Variants in FGF9 observed in about 807,000 individuals in gnomAD.
FGF9 encodes the protein fibroblast growth factor 9, also known as fibroblast growth factor 9 (glia-activating factor).
FGF9 carries 3 observed loss-of-function variants against 19.9 expected under a neutral mutation model. The ratio of observed to expected loss-of-function variants is 0.15; its 90% CI spans 0.07 to 0.39. FGF9 has a LOEUF of 0.39. Ranked by LOEUF, FGF9 falls within the 10% of genes least tolerant of loss-of-function variation. FGF9 has a pLI of 1.00. For synonymous variants in FGF9, 107 were observed against 106.9 expected (o/e 1.00, Z -0.01); for missense variants, 175 against 256.8 (o/e 0.68, Z 2.18).
rs1459921289 is a variant in FGF9, at chr13:21,671,862, T to C, written c.-51T>C. The C allele has an allele frequency of 6.2e-7, 1 of 1,610,530 alleles. No homozygotes were observed. The highest frequency in any genetic ancestry group is 1.7e-5 in the Admixed American group (1 of 60,012). Reference sequence around the variant, plus strand: ...TATACCTCGCCTAATATCTCCTGGGTTGACACCATCATTATTGTTTATTCT... The same window carrying C: ...TATACCTCGCCTAATATCTCCTGGGCTGACACCATCATTATTGTTTATTCT... On this transcript the variant is annotated 5_prime_UTR_variant, in exon 1 of 3. Coordinates refer to ENST00000382353, the MANE Select transcript of FGF9 (RefSeq NM_002010.3).
intron 2 of FGF9, among the ~76,000 whole-genome samples, chr13:21,694,228 C>A (rs1375809512): frequency 1.3e-5 from 2 of 152,152 alleles, no homozygotes; most frequent in Non-Finnish European, 2.9e-5. Context: ...ACACTCTGTG[C>A]ATCTTTTAGT....
intron 1 of FGF9, among the ~76,000 whole-genome samples, chr13:21,679,994 A>G (rs191468576): frequency 4.2e-4 from 64 of 151,974 alleles, no homozygotes; most frequent in South Asian, 1.0e-3. Context: ...AGTGTCCTAA[A>G]TATACTGTGG....
At chr13:21,689,141 G>GCC (rs916407150) in intron 2 of FGF9, among the ~76,000 whole-genome samples, 9 of 152,084 alleles carry the variant, frequency 5.9e-5, no homozygotes, top group Non-Finnish European at 1.0e-4. Context: ...TGAGCCCAAC[G>GCC]CCCCTCTTTC....
chr13:21,672,263 C>T lies in FGF9; in HGVS notation c.277+74C>T. 6.5e-7 allele frequency: 1 copy of T among 1,545,984 alleles called. No homozygotes were observed. The highest frequency in any genetic ancestry group is 1.4e-5 in the African/African-American group (1 of 73,614). ...TTATAACTACCAAGAAGGTGGTGGCCGGGTGGGGGACGTGGGAAGGGTTCT... is the reference window on the plus strand; with the variant it reads ...TTATAACTACCAAGAAGGTGGTGGCTGGGTGGGGGACGTGGGAAGGGTTCT... On this transcript the variant is annotated intron_variant, in intron 1 of 2. Coordinates refer to ENST00000382353, the MANE Select transcript of FGF9 (RefSeq NM_002010.3). The surrounding 1 kb of genome is among the most constrained non-coding windows in gnomAD (Gnocchi z 4.2).
intron 2 of FGF9, among the ~76,000 whole-genome samples, chr13:21,687,710 T>C (rs1241276384): frequency 6.6e-6 from 1 of 152,218 alleles, no homozygotes; most frequent in Non-Finnish European, 1.5e-5. Flanking sequence ...TCTTCACTTA[T>C]CTCAGACACA....
At chr13:21,692,816 G>GA (rs1460809600) in intron 2 of FGF9, among the ~76,000 whole-genome samples, 1 of 152,128 alleles carries the variant, frequency 6.6e-6, no homozygotes, top group Non-Finnish European at 1.5e-5. Context: ...ATTTCCTCCA[G>GA]ATCCCAACAT....
At chr13:21,690,704 T>G (rs968371376) in intron 2 of FGF9, among the ~76,000 whole-genome samples, 1 of 152,200 alleles carries the variant, frequency 6.6e-6, no homozygotes, top group Admixed American at 6.5e-5. Flanking sequence ...GTGAGTAGCA[T>G]CCATGCACAC....
At chr13:21,695,083 C>CAT (rs138974621) in intron 2 of FGF9, among the ~76,000 whole-genome samples, 1 of 137,146 alleles carries the variant, frequency 7.3e-6, no homozygotes, top group Admixed American at 7.2e-5. Flanking sequence ...TGTGTGTGTG[C>CAT]GTGTGTGTGT....
At chr13:21,694,882 C>T (rs990493817) in intron 2 of FGF9, among the ~76,000 whole-genome samples, 2 of 152,184 alleles carry the variant, frequency 1.3e-5, no homozygotes, top group Admixed American at 1.3e-4. Flanking sequence ...GGGAGTACCC[C>T]TCTGAACATG....
intron 2 of FGF9, among the ~76,000 whole-genome samples, chr13:21,700,015 GGTGTGTGTGT>G (rs3076108): frequency 2.2e-4 from 32 of 146,818 alleles, no homozygotes; most frequent in Non-Finnish European, 3.5e-4. Flanking sequence ...TTTGGGATGT[GGTGTGTGTGT>G]GTGTGTGTGT....
intron 2 of FGF9, among the ~76,000 whole-genome samples, chr13:21,696,576 A>G (rs1249071125): frequency 2.0e-5 from 3 of 152,214 alleles, no homozygotes; most frequent in African/African-American, 7.2e-5. Flanking sequence ...TCTGAGTTCT[A>G]TAATTCTAGA....
intron 2 of FGF9, among the ~76,000 whole-genome samples, chr13:21,695,381 G>T (rs915109758): frequency 2.6e-5 from 4 of 152,030 alleles, no homozygotes; most frequent in Non-Finnish European, 4.4e-5. Flanking sequence ...CAATTTTGAT[G>T]GCCAGGAATG....
chr13:21,672,367 A>T lies in FGF9; in HGVS notation c.277+178A>T, dbSNP rs1250413806. Among the ~76,000 whole-genome samples, 1 of 152,018 alleles carries T rather than the reference A, an allele frequency of 6.6e-6. No individual in the cohort carries two copies. The highest frequency in any genetic ancestry group is 6.6e-5 in the Admixed American group (1 of 15,264). On this transcript the variant is annotated intron_variant, in intron 1 of 2. Transcript: ENST00000382353. This position sits in a 1 kb window ranked among gnomAD's most constrained non-coding sequence, Gnocchi z 4.2. ...AGCTCCGAAAAAAAAATGCCTCCGG[A>T]ATTGCAGATCTGCTGCTGGCACTGA...
At chr13:21,685,791 G>A (rs934676433) in intron 2 of FGF9, among the ~76,000 whole-genome samples, 1 of 152,102 alleles carries the variant, frequency 6.6e-6, no homozygotes, top group African/African-American at 2.4e-5. Flanking sequence ...GAGGTTGAGC[G>A]GTAGCATTTA....
chr13:21,681,261 T>C lies in FGF9; in HGVS notation c.381+116T>C, dbSNP rs17070237. 0.017 allele frequency: 13,293 copies of C among 794,068 alleles called. 1,061 individuals carry two copies. In the African/African-American group the frequency reaches 0.18, roughly 11 times the overall value. The allele number at this position is 794,068 out of a possible 1,614,324, so 49.2% of individuals were successfully genotyped here. A position where few individuals can be genotyped will look rare whatever the true frequency, so the allele number is the denominator to read the frequency against. ...ACTGAGTCTGTTTGGAAGGCGAGTG[T>C]AAGTTTTTACTTTTTGAGGAAAGCC... On this transcript the variant is annotated intron_variant, in intron 2 of 2. Transcript: ENST00000382353.
At chr13:21,686,256 T>C (rs554585555) in intron 2 of FGF9, among the ~76,000 whole-genome samples, 9 of 152,314 alleles carry the variant, frequency 5.9e-5, no homozygotes, top group Non-Finnish European at 1.2e-4. Context: ...CTTGAATTCC[T>C]GACATCAAGT....
intron 2 of FGF9, among the ~76,000 whole-genome samples, chr13:21,686,335 A>G (rs962790371): frequency 6.6e-6 from 1 of 152,232 alleles, no homozygotes. Flanking sequence ...GGCTTTCAAG[A>G]TACTTTAAAA....
chr13:21,674,427 A>G (rs1046361801), intron 1 of FGF9, among the ~76,000 whole-genome samples: 3 of 151,174 alleles, frequency 2.0e-5, no homozygotes, highest in Admixed American at 1.3e-4. Flanking sequence ...CCGAGAGCAG[A>G]GCTCGCGAGC....
Position 21,671,235 on chromosome 13 carries a change from T to C in FGF9, c.-678T>C, listed in dbSNP as rs1871759145. The C allele has an allele frequency of 8.9e-6, 2 of 224,152 alleles. No homozygotes were observed. The highest frequency in any genetic ancestry group is 8.7e-6 in the Non-Finnish European group (1 of 115,572). The allele number at this position is 224,152 out of a possible 1,614,324, so 13.9% of individuals were successfully genotyped here. ...CCGCTCGCCACCCGTTCTAAGCCAA[T>C]GGACATCTGCCGAGCCTCTGGAGAA... is the stretch of plus-strand genomic sequence containing the variant. On this transcript the variant is annotated 5_prime_UTR_variant, in exon 1 of 3. The change abolishes an upstream ATG in the 5' untranslated region. Transcript: ENST00000382353.
Sources: allele counts gnomAD v4.1 joint callset (sites outside exome capture counted in the v4.1 genomes callset), GRCh38; gene constraint gnomAD v4.1.1; non-coding constraint Gnocchi (gnomAD v3.1); transcripts MANE v1.5; gene names NCBI Gene and HGNC (gene_info 2026-07-23, HGNC 2026-07-21).